The following ADAMTSL1 variants were observed in gnomAD, a reference collection of about 807,000 sequenced individuals.
ADAMTSL1 encodes the protein ADAMTS like 1, also known as ADAMTS-like protein 1.
ADAMTSL1 carries 126 observed loss-of-function variants against 201.8 expected under a neutral mutation model. That is an observed-to-expected ratio of 0.62 (90% CI 0.54 to 0.72). The LOEUF (loss-of-function observed/expected upper bound fraction) is 0.72. ADAMTSL1 is among the 30% of genes least tolerant of loss of function. The probability of loss-of-function intolerance (pLI) is 0.00; values close to 1 mark genes in which losing one functional copy is unlikely to be tolerated. For synonymous variants in ADAMTSL1, 1,121 were observed against 903.4 expected (o/e 1.24, Z -4.32); for missense variants, 2,679 against 2,277.8 (o/e 1.18, Z -3.59).
intron 2 of ADAMTSL1, among the ~76,000 whole-genome samples, chr9:18,448,558 A>G (rs1164547137): frequency 6.6e-6 from 1 of 152,238 alleles, no homozygotes; most frequent in Non-Finnish European, 1.5e-5. Flanking sequence ...ATAAGTTGAA[A>G]TAGTTGCAAA....
intron 1 of ADAMTSL1, among the ~76,000 whole-genome samples, chr9:18,084,251 G>A (rs1823644439): frequency 6.6e-6 from 1 of 152,150 alleles, no homozygotes; most frequent in African/African-American, 2.4e-5. Flanking sequence ...GCTGGGCGCG[G>A]TGGCTCATGC....
chr9:18,105,971 T>C (rs531178884), intron 1 of ADAMTSL1, among the ~76,000 whole-genome samples: 5 of 152,316 alleles, frequency 3.3e-5, no homozygotes, highest in African/African-American at 1.2e-4. Context: ...CTGCAAAAGA[T>C]TATTTTGCAA....
chr9:18,144,726 A>G (rs1011998529), intron 1 of ADAMTSL1, among the ~76,000 whole-genome samples: 2 of 152,118 alleles, frequency 1.3e-5, no homozygotes, highest in Non-Finnish European at 2.9e-5. Context: ...GTTAAATGAG[A>G]TAATTAAGAC....
intron 5 of ADAMTSL1, among the ~76,000 whole-genome samples, chr9:18,622,920 GTC>G (rs1397491626): frequency 6.6e-6 from 1 of 152,128 alleles, no homozygotes; most frequent in South Asian, 2.1e-4. Flanking sequence ...TTTTGACTGA[GTC>G]TCTCATTCTG....
intron 23 of ADAMTSL1, among the ~76,000 whole-genome samples, chr9:18,869,617 C>T (rs756224520): frequency 7.9e-5 from 12 of 152,072 alleles, no homozygotes; most frequent in Admixed American, 1.3e-4. Context: ...TTTATGTTTC[C>T]CCAGCATTTT....
chr9:18,880,719 C>G (rs1055295254), intron 23 of ADAMTSL1, among the ~76,000 whole-genome samples: 1 of 152,192 alleles, frequency 6.6e-6, no homozygotes, highest in East Asian at 1.9e-4. Context: ...ATTGGCTTCA[C>G]TTTAAAGTCA....
intron 3 of ADAMTSL1, among the ~76,000 whole-genome samples, chr9:18,572,580 T>C (rs1822401495): frequency 6.6e-6 from 1 of 152,150 alleles, no homozygotes; most frequent in Admixed American, 6.5e-5. Flanking sequence ...CATTTTATAT[T>C]GTATTTTGAA....
At chr9:18,711,877 T>C (rs2133362841) in intron 14 of ADAMTSL1, among the ~76,000 whole-genome samples, 1 of 152,008 alleles carries the variant, frequency 6.6e-6, no homozygotes, top group African/African-American at 2.4e-5. Context: ...GCAGTGGTTC[T>C]CCCAGCATGC....
chr9:18,449,836 A>G (rs1820336773), intron 2 of ADAMTSL1, among the ~76,000 whole-genome samples: 1 of 152,202 alleles, frequency 6.6e-6, no homozygotes, highest in South Asian at 2.1e-4. Context: ...ATACACTACT[A>G]TATACCTAGT....
intron 1 of ADAMTSL1, among the ~76,000 whole-genome samples, chr9:18,125,985 G>C (rs1413115538): frequency 2.0e-5 from 3 of 152,140 alleles, no homozygotes; most frequent in Non-Finnish European, 4.4e-5. Context: ...ATTGCAACTA[G>C]AGTGTGAACA....
intron 2 of ADAMTSL1, among the ~76,000 whole-genome samples, chr9:18,299,037 A>T (rs1193619233): frequency 5.3e-5 from 8 of 151,120 alleles, no homozygotes; most frequent in African/African-American, 2.0e-4. Context: ...TAATAATAAT[A>T]ATAATAGCCG....
chr9:18,871,125 G>A (rs557132004), intron 23 of ADAMTSL1, among the ~76,000 whole-genome samples: 1 of 152,206 alleles, frequency 6.6e-6, no homozygotes, highest in Admixed American at 6.5e-5. Context: ...TTTAATTTCT[G>A]ATTTCACTAC....
chr9:18,292,606 G>A (rs930562544), intron 2 of ADAMTSL1, among the ~76,000 whole-genome samples: 1 of 152,130 alleles, frequency 6.6e-6, no homozygotes, highest in Admixed American at 6.5e-5. Flanking sequence ...AAGCAAGCAG[G>A]AGAAGATGGA....
Position 18,575,810 on chromosome 9 carries a change from C to G in ADAMTSL1, c.474+1544C>G, listed in dbSNP as rs184936656. Among the ~76,000 whole-genome samples the G allele has an allele frequency of 7.9e-4, 121 of 152,308 alleles. 1 individual carries two copies. The highest frequency in any genetic ancestry group is 2.8e-3 in the African/African-American group (117 of 41,566). Reference sequence around the variant, plus strand: ...AGAAATGGGACTAAATTCCACATCTCCTGAGATCCCATTCAATGTTATTGC... The same window carrying G: ...AGAAATGGGACTAAATTCCACATCTGCTGAGATCCCATTCAATGTTATTGC... On this transcript the variant is annotated intron_variant, in intron 4 of 28. Coordinates refer to ENST00000380548, the MANE Select transcript of ADAMTSL1 (RefSeq NM_001040272.6).
intron 2 of ADAMTSL1, among the ~76,000 whole-genome samples, chr9:18,384,354 G>A (rs1000462861): frequency 1.3e-5 from 2 of 152,064 alleles, no homozygotes; most frequent in Non-Finnish European, 2.9e-5. Flanking sequence ...TCTGCCCCGT[G>A]ATTCAATCAC....
At chr9:18,129,452 A>T (rs1244443629) in intron 1 of ADAMTSL1, among the ~76,000 whole-genome samples, 1 of 152,144 alleles carries the variant, frequency 6.6e-6, no homozygotes, top group Non-Finnish European at 1.5e-5. Context: ...TTCCTGAAAG[A>T]ACTCAAGGCC....
intron 1 of ADAMTSL1, among the ~76,000 whole-genome samples, chr9:17,954,313 T>C (rs1411266463): frequency 6.6e-6 from 1 of 152,214 alleles, no homozygotes; most frequent in African/African-American, 2.4e-5. Context: ...CCACGTTCTA[T>C]TGATCATGCA....
chr9:18,637,630 T>C (rs1245491455), intron 6 of ADAMTSL1, among the ~76,000 whole-genome samples: 3 of 152,170 alleles, frequency 2.0e-5, no homozygotes, highest in Non-Finnish European at 4.4e-5. Flanking sequence ...ATACTATTGG[T>C]AGCATATGTA....
intron 4 of ADAMTSL1, among the ~76,000 whole-genome samples, chr9:18,596,583 C>G (rs559966179): frequency 2.8e-4 from 42 of 152,226 alleles, no homozygotes; most frequent in Admixed American, 2.4e-3. Flanking sequence ...TAAGCATATG[C>G]CAGGCACTGT....
Sources: allele counts gnomAD v4.1 joint callset (sites outside exome capture counted in the v4.1 genomes callset), GRCh38; gene constraint gnomAD v4.1.1; transcripts MANE v1.5; gene names NCBI Gene and HGNC (gene_info 2026-07-23, HGNC 2026-07-21).